The following NEXN variants were observed in gnomAD, a reference collection of about 807,000 sequenced individuals.
NEXN encodes nexilin F-actin binding protein, also known as nexilin.
In NEXN, 65 loss-of-function variants were observed where a neutral mutation model predicts 92.6. That is an observed-to-expected ratio of 0.70 (90% CI 0.57 to 0.86). NEXN has a LOEUF of 0.86. Among genes scored for constraint, NEXN ranks in the 40% least tolerant of loss-of-function variants. NEXN has a pLI of 0.00. For missense variants in NEXN, 778 were observed against 771.1 expected (o/e 1.01, Z -0.11); for synonymous variants, 254 against 242.5 (o/e 1.05, Z -0.44).
At chr1:77,937,952 T>A (rs1180136238) in intron 11 of NEXN, among the ~76,000 whole-genome samples, 1 of 152,144 alleles carries the variant, frequency 6.6e-6, no homozygotes, top group African/African-American at 2.4e-5. Flanking sequence ...AGAGGCGGCC[T>A]GAGGATTTGA....
In NEXN at chr1:77,941,910, T is replaced by C. The variant is rs1651349231; in HGVS notation, c.1474-113T>C. On this transcript the variant is annotated intron_variant, in intron 11 of 12. Coordinates refer to ENST00000334785, the MANE Select transcript of NEXN (RefSeq NM_144573.4). ...CTGAGTGTCTGCAGTGTAGCAAAAA[T>C]ATGCATTATAAACATGTTAATCATT... The C allele has an allele frequency of 4.8e-6, 5 of 1,049,412 alleles. No homozygotes were observed. The East Asian group carries it at 1.3e-4, about 27-fold the overall frequency. The allele number at this position is 1,049,412 out of a possible 1,614,324, so 65.0% of individuals were successfully genotyped here.
intron 1 of NEXN, among the ~76,000 whole-genome samples, chr1:77,907,438 G>T (rs1284226380): frequency 6.6e-6 from 1 of 152,122 alleles, no homozygotes; most frequent in Non-Finnish European, 1.5e-5. Context: ...TGCACCTTAA[G>T]TGCAATTCCA....
At chr1:77,933,663 C>T (rs1272462091) in intron 10 of NEXN, among the ~76,000 whole-genome samples, 184 bp downstream of exon 10, 1 of 152,144 alleles carries the variant, frequency 6.6e-6, no homozygotes, top group Non-Finnish European at 1.5e-5. Context: ...TTAACTACTC[C>T]TTCCTTGCTA....
chr1:77,893,025 C>T (rs996652255), intron 1 of NEXN, among the ~76,000 whole-genome samples: 2 of 152,002 alleles, frequency 1.3e-5, no homozygotes, highest in African/African-American at 4.8e-5. Flanking sequence ...CACCACCATG[C>T]CTGGCTGATT....
chr1:77,916,110 AATG>A lies in NEXN; in HGVS notation c.7_9del (p.Asp3del), dbSNP rs760463744. 1.5e-5 allele frequency: 24 copies of A among 1,607,658 alleles called. No homozygotes were observed. Among genetic ancestry groups the A allele is most frequent in the Non-Finnish European group, 1.9e-5 (22 of 1,176,374 alleles). ...CCCAAGACCACATAGAGCAAACATG[AATG>A]ATATTTCCCAAAAGGCTGAGGTAAG... is the stretch of plus-strand genomic sequence containing the variant. On this transcript the variant is annotated inframe_deletion, in exon 2 of 13. Transcript: ENST00000334785.
chr1:77,925,166 A>G (rs1389954875), intron 5 of NEXN, 22 bp from the exon 6 acceptor site: 2 of 1,525,222 alleles, frequency 1.3e-6, no homozygotes, highest in Admixed American at 3.4e-5. Context: ...TAATGTAATG[A>G]TATGAAATTC....
chr1:77,942,270 A>G, intron 12 of NEXN, 62 bp downstream of exon 12: 1 of 1,542,378 alleles, frequency 6.5e-7, no homozygotes, highest in Middle Eastern at 1.7e-4. Context: ...TAGTTTTATA[A>G]TTAGGTAGGT....
intron 3 of NEXN, 76 bp downstream of exon 3, chr1:77,917,833 A>T: frequency 7.1e-7 from 1 of 1,418,238 alleles, no homozygotes; most frequent in Non-Finnish European, 9.9e-7. Context: ...ATTCACATTA[A>T]CCACATTTCA....
At chr1:77,940,500 TTTAC>T (rs1403623705) in intron 11 of NEXN, among the ~76,000 whole-genome samples, 42 of 152,312 alleles carry the variant, frequency 2.8e-4, no homozygotes, top group African/African-American at 8.2e-4. Context: ...GAGAAATTAT[TTTAC>T]TTACTCAAAT....
At chr1:77,942,357 T>C (rs1651420598) in intron 12 of NEXN, 104 bp from the exon 13 acceptor site, 4 of 1,392,580 alleles carry the variant, frequency 2.9e-6, no homozygotes, top group African/African-American at 2.9e-5. Context: ...GGCACACTTG[T>C]ATGTTCTTTA....
At chr1:77,927,272 C>CAA (rs879296489) in intron 8 of NEXN, among the ~76,000 whole-genome samples, 3 of 144,944 alleles carry the variant, frequency 2.1e-5, no homozygotes, top group Non-Finnish European at 3.0e-5. Context: ...GAGACTGTCT[C>CAA]AAAAAAAAAA....
rs1557974419 is a variant in NEXN, at chr1:77,917,997, T to C, written c.257T>C (p.Val86Ala). ...EMLASDDEED[V>A]SSKVEKAYVP... is the part of the protein sequence containing the mutation. ...CTTGCTTCTGATGATGAGGAAGATG[T>C]ATCTTCTAAAGTAGAAAAGGCTTAT... Residue 86 changes from valine to alanine, a missense_variant, in exon 4 of 13, where the codon GTA (valine) becomes GCA (alanine). Around this residue, in one of 3 missense-constraint regions of NEXN, gnomAD observed 236 missense variants for 265.6 expected, o/e 0.89. Coordinates refer to ENST00000334785, the MANE Select transcript of NEXN (RefSeq NM_144573.4). 6.2e-7 allele frequency: 1 copy of C among 1,613,530 alleles called. No homozygotes were observed. The highest frequency in any genetic ancestry group is 8.5e-7 in the Non-Finnish European group (1 of 1,179,626).
chr1:77,915,563 A>G (rs1308083755), intron 1 of NEXN, among the ~76,000 whole-genome samples: 2 of 152,194 alleles, frequency 1.3e-5, no homozygotes, highest in African/African-American at 2.4e-5. Context: ...CGGGAGGCAG[A>G]GCTTGCAGTG....
chr1:77,942,259 A>G (rs551758096), intron 12 of NEXN, 51 bp downstream of exon 12: 11 of 1,557,078 alleles, frequency 7.1e-6, no homozygotes, highest in Non-Finnish European at 8.9e-6. Flanking sequence ...CTTAAAACCC[A>G]TAGTTTTATA....
chr1:77,942,370 TAAA>T (rs374889046), intron 12 of NEXN, 88 bp from the exon 13 acceptor site: 35 of 1,267,556 alleles, frequency 2.8e-5, no homozygotes, highest in Non-Finnish European at 3.8e-5. Context: ...GTTCTTTACT[TAAA>T]AAAAAAAATT....
chr1:77,914,922 A>T (rs1648851089), intron 1 of NEXN, among the ~76,000 whole-genome samples: 1 of 152,194 alleles, frequency 6.6e-6, no homozygotes, highest in Admixed American at 6.6e-5. Flanking sequence ...CAAGGTCCAA[A>T]CATATGCTGT....
chr1:77,918,407 G>A, intron 5 of NEXN, 134 bp downstream of exon 5: 1 of 1,042,508 alleles, frequency 9.6e-7, no homozygotes, highest in Non-Finnish European at 1.4e-6. Context: ...TCTGGGAATG[G>A]TGGCTCACCT....
At chr1:77,929,200 A>G in intron 8 of NEXN, 116 bp from the exon 9 acceptor site, 1 of 702,552 alleles carries the variant, frequency 1.4e-6, no homozygotes, top group Non-Finnish European at 2.5e-6. Flanking sequence ...GGTCAAGTAT[A>G]TTAAGGGCAT....
chr1:77,896,403 C>G (rs1647258186), intron 1 of NEXN, among the ~76,000 whole-genome samples: 1 of 151,978 alleles, frequency 6.6e-6, no homozygotes, highest in Non-Finnish European at 1.5e-5. Flanking sequence ...GACAATATTC[C>G]TCTCCTCACC....
Sources: allele counts gnomAD v4.1 joint callset (sites outside exome capture counted in the v4.1 genomes callset), GRCh38; gene constraint gnomAD v4.1.1; regional missense constraint gnomAD v4.1.1; transcripts MANE v1.5; gene names NCBI Gene and HGNC (gene_info 2026-07-23, HGNC 2026-07-21).